The following TEX14 variants were observed in gnomAD, a reference collection of about 807,000 sequenced individuals.
TEX14 encodes the protein inactive serine/threonine-protein kinase TEX14.
In TEX14, 168 loss-of-function variants were observed where a neutral mutation model predicts 178.6. The observed-to-expected ratio is 0.94, with a 90% CI of 0.83 to 1.07. The LOEUF is 1.07. TEX14 is among the 50% of genes least tolerant of loss of function. TEX14 has a pLI of 0.00. For missense variants in TEX14, 1,730 were observed against 1,753.6 expected, an observed-to-expected ratio of 0.99 and a Z score of 0.24; for synonymous variants, 626 against 634.1, an observed-to-expected ratio of 0.99 and a Z score of 0.19.
intron 1 of TEX14, among the ~76,000 whole-genome samples, chr17:58,672,056 C>T (rs957141518): frequency 3.9e-5 from 6 of 152,154 alleles, no homozygotes; most frequent in African/African-American, 9.7e-5. Flanking sequence ...GAAACTGTTC[C>T]ACCTCAGCTC....
intron 1 of TEX14, among the ~76,000 whole-genome samples, chr17:58,663,349 G>A (rs1197150140): frequency 6.7e-6 from 1 of 149,048 alleles, no homozygotes; most frequent in Non-Finnish European, 1.5e-5. Context: ...TTGAACGTGG[G>A]AGGCGGAGGT....
Position 58,659,283 on chromosome 17 carries a change from T to A in TEX14, c.-1-7281A>T, listed in dbSNP as rs145426057. 3.0e-5 allele frequency: 28 copies of A among 941,470 alleles called. No homozygotes were observed. The East Asian group carries it at 3.0e-3, about 101-fold the overall frequency. 58.3% of individuals were successfully genotyped at this position (941,470 alleles called of 1,614,324 possible). On this transcript the variant is annotated intron_variant, in intron 1 of 31. Transcript: ENST00000349033. ...AAACACTTTATCAGGACCAACAGCG[T>A]CTCTCCCCCGCCACAAAGACATTAT...
chr17:58,591,071 C>T (rs556610333), intron 15 of TEX14, among the ~76,000 whole-genome samples: 18 of 151,960 alleles, frequency 1.2e-4, no homozygotes, highest in Non-Finnish European at 2.4e-4. Context: ...AAGAGGGTGC[C>T]GAGCAGGGGA....
Position 58,599,459 on chromosome 17 carries a change from C to T in TEX14, c.1886G>A (p.Cys629Tyr), listed in dbSNP as rs1164212274. The part of the protein sequence containing the change: ...SFEINEIYSG[C>Y]LILEDDIEEP... ...TTCTATGTCATCTTCCAAAATCAAGCAGCCTGAGTAGATCTCGTTGATTTC... is the reference window on the plus strand; with the variant it reads ...TTCTATGTCATCTTCCAAAATCAAGTAGCCTGAGTAGATCTCGTTGATTTC... Residue 629 changes from cysteine (C) to tyrosine (Y), a missense_variant, in exon 14 of 32, where the codon TGC (cysteine) becomes TAC (tyrosine). This residue lies in a region of TEX14 where 941 missense variants were observed against 1,072.4 expected (regional missense o/e 0.88). Transcript: ENST00000349033. 1 of 1,614,104 alleles carries T rather than the reference C, an allele frequency of 6.2e-7. No homozygotes were observed. The highest frequency in any genetic ancestry group is 2.2e-5 in the East Asian group (1 of 44,880).
At chr17:58,613,646 A>T in intron 8 of TEX14, 102 bp from the exon 9 acceptor site, 4 of 1,234,518 alleles carry the variant, frequency 3.2e-6, no homozygotes, top group East Asian at 2.4e-5. Flanking sequence ...TACCATTTGT[A>T]TACGATGTTT....
At chr17:58,635,428 CT>C (rs548762963) in intron 2 of TEX14, among the ~76,000 whole-genome samples, 1,366 of 129,566 alleles carry the variant, frequency 0.011, 17 homozygotes, top group African/African-American at 0.031. Context: ...GGGCTTCTCT[CT>C]TTTTTTTTTT....
intron 9 of TEX14, among the ~76,000 whole-genome samples, chr17:58,611,676 C>A (rs1272782371): frequency 6.6e-6 from 1 of 152,196 alleles, no homozygotes; most frequent in Non-Finnish European, 1.5e-5. Context: ...AGTAAACCTG[C>A]CCTGTCGCCT....
intron 15 of TEX14, among the ~76,000 whole-genome samples, chr17:58,592,827 CCA>C (rs1488341433): frequency 6.6e-6 from 1 of 152,160 alleles, no homozygotes; most frequent in Non-Finnish European, 1.5e-5. Context: ...GCGTGACCCA[CCA>C]CACTCGGCCT....
At chr17:58,622,306 T>G (rs2046016812) in intron 4 of TEX14, among the ~76,000 whole-genome samples, 1 of 151,796 alleles carries the variant, frequency 6.6e-6, no homozygotes, top group East Asian at 1.9e-4. Flanking sequence ...GTTAGCTGAG[T>G]GTGGTGGTGC....
intron 2 of TEX14, among the ~76,000 whole-genome samples, chr17:58,641,547 CTG>C (rs1482901363): frequency 6.7e-6 from 1 of 150,266 alleles, no homozygotes; most frequent in Non-Finnish European, 1.5e-5. Context: ...TCTCTCCAGA[CTG>C]GAGTGCAGCA....
chr17:58,609,921 A>C (rs767559148), intron 10 of TEX14, among the ~76,000 whole-genome samples: 6 of 152,220 alleles, frequency 3.9e-5, no homozygotes, highest in Non-Finnish European at 7.3e-5. Context: ...CCAGAAACAA[A>C]GCATCAGTGA....
chr17:58,653,892 AG>A (rs1436616009), intron 1 of TEX14, among the ~76,000 whole-genome samples: 1 of 152,182 alleles, frequency 6.6e-6, no homozygotes, highest in Non-Finnish European at 1.5e-5. Flanking sequence ...AAAGAATTGG[AG>A]AAACTGGGCC....
intron 14 of TEX14, among the ~76,000 whole-genome samples, chr17:58,597,127 G>A (rs1170447885): frequency 6.6e-6 from 1 of 152,186 alleles, no homozygotes; most frequent in Non-Finnish European, 1.5e-5. Flanking sequence ...GCCAGGCACG[G>A]TGGCTCATGC....
chr17:58,647,464 G>A (rs1262225556), intron 2 of TEX14, among the ~76,000 whole-genome samples: 33 of 151,202 alleles, frequency 2.2e-4, no homozygotes, highest in African/African-American at 6.8e-4. Context: ...CCCGGGAGGC[G>A]GAGCTTGCAG....
chr17:58,659,182 A>G (rs986944655), intron 1 of TEX14: 2 of 195,686 alleles, frequency 1.0e-5, no homozygotes, highest in Non-Finnish European at 1.8e-5. Flanking sequence ...CCCCACTACC[A>G]CAAGTTATGC....
At chr17:58,634,287 C>A (rs1001906039) in intron 2 of TEX14, among the ~76,000 whole-genome samples, 3 of 152,000 alleles carry the variant, frequency 2.0e-5, no homozygotes, top group African/African-American at 7.2e-5. Flanking sequence ...GTGGCACATG[C>A]CTGTAATGCC....
intron 15 of TEX14, 96 bp downstream of exon 15, chr17:58,593,459 T>C: frequency 1.1e-6 from 1 of 929,846 alleles, no homozygotes; most frequent in Non-Finnish European, 1.7e-6. Context: ...TCACAGTCCT[T>C]TTGTCACTAG....
intron 20 of TEX14, 65 bp from the exon 21 acceptor site, chr17:58,577,521 T>C (rs2044709485): frequency 1.9e-6 from 1 of 528,552 alleles, no homozygotes; most frequent in Admixed American, 4.0e-5. Context: ...TCAACCCAAA[T>C]TATTGTCACC....
intron 1 of TEX14, among the ~76,000 whole-genome samples, chr17:58,670,502 C>T (rs559776444): frequency 9.9e-5 from 15 of 151,508 alleles, no homozygotes; most frequent in African/African-American, 3.4e-4. Flanking sequence ...AGCCAGGAGC[C>T]GTGGCTCACG....
Sources: gnomAD v4.1 joint callset for allele counts (sites outside exome capture counted in the v4.1 genomes callset) on GRCh38, gnomAD v4.1.1 for gene constraint, gnomAD v4.1.1 regional missense constraint, MANE v1.5 for transcripts, NCBI Gene and HGNC (gene_info 2026-07-23, HGNC 2026-07-21) for gene names.